SNTG1: variants seen among roughly 807,000 people sequenced by gnomAD.
SNTG1 encodes gamma-1-syntrophin.
Under a neutral mutation model 74.7 loss-of-function variants are expected in SNTG1, and 39 were observed. The ratio of observed to expected loss-of-function variants is 0.52; its 90% confidence interval spans 0.40 to 0.68. The LOEUF is 0.68. SNTG1 is among the 30% of genes least tolerant of loss of function. The pLI is 0.00. For synonymous variants in SNTG1, 254 were observed against 217.1 expected (o/e 1.17, Z -1.49); for missense variants, 685 against 609.5 (o/e 1.12, Z -1.30).
chr8:50,511,561 T>A (rs1056173849), intron 9 of SNTG1, among the ~76,000 whole-genome samples: 6 of 152,188 alleles, frequency 3.9e-5, no homozygotes, highest in Non-Finnish European at 7.4e-5. Context: ...AGTCTCTTTG[T>A]AGGTCTCTAA....
intron 4 of SNTG1, among the ~76,000 whole-genome samples, chr8:50,423,713 C>A (rs1209137103): frequency 6.6e-6 from 1 of 152,068 alleles, no homozygotes; most frequent in East Asian, 1.9e-4. Flanking sequence ...TGACTCTCAG[C>A]TTGAGAAAAT....
At chr8:50,431,600 G>T (rs1171151348) in intron 4 of SNTG1, among the ~76,000 whole-genome samples, 1 of 152,102 alleles carries the variant, frequency 6.6e-6, no homozygotes, top group Non-Finnish European at 1.5e-5. Flanking sequence ...TAAGACTAGG[G>T]TTAGCTTTGT....
chr8:50,047,187 A>T (rs1819163329), intron 1 of SNTG1, among the ~76,000 whole-genome samples: 1 of 151,976 alleles, frequency 6.6e-6, no homozygotes, highest in African/African-American at 2.4e-5. Flanking sequence ...AAAAACACAA[A>T]TGTTAGCCAG....
Position 50,079,319 on chromosome 8 carries a change from G to GC in SNTG1, c.-102-93241dup, listed in dbSNP as rs1652124980. Among the ~76,000 whole-genome samples the GC allele has an allele frequency of 2.0e-5, 3 of 151,936 alleles. No individual in the cohort carries two copies. In the South Asian group the frequency reaches 6.2e-4, roughly 31 times the overall value. On this transcript the variant is annotated intron_variant, in intron 1 of 18. Transcript: ENST00000642720. ...TTTCTCTAATGACCAGTGATAATCA[G>GC]CTTTTTTTCAAATGTTTGTTGGCCA... is the stretch of plus-strand genomic sequence containing the variant.
intron 4 of SNTG1, among the ~76,000 whole-genome samples, chr8:50,419,240 C>T (rs1464100292): frequency 6.6e-6 from 1 of 152,028 alleles, no homozygotes; most frequent in South Asian, 2.1e-4. Flanking sequence ...TAAATTCTTC[C>T]AAAATAAATG....
chr8:50,601,956 A>G (rs112930530), intron 13 of SNTG1, among the ~76,000 whole-genome samples: 205 of 152,084 alleles, frequency 1.3e-3, no homozygotes, highest in African/African-American at 4.5e-3. Flanking sequence ...TTTTGTTTCA[A>G]TTAGCATGGA....
At chr8:50,360,137 A>G (rs994879299) in intron 2 of SNTG1, among the ~76,000 whole-genome samples, 1 of 152,216 alleles carries the variant, frequency 6.6e-6, no homozygotes, top group Middle Eastern at 3.4e-3. Flanking sequence ...GATCAGATAG[A>G]TCATCATCAC....
At chr8:50,690,854 A>T (rs1441659820) in intron 15 of SNTG1, among the ~76,000 whole-genome samples, 1 of 152,040 alleles carries the variant, frequency 6.6e-6, no homozygotes, top group African/African-American at 2.4e-5. Context: ...GGGGTGTTAA[A>T]GTCTCCCGTT....
intron 4 of SNTG1, among the ~76,000 whole-genome samples, chr8:50,413,057 T>A (rs1259784510): frequency 6.6e-6 from 1 of 152,222 alleles, no homozygotes; most frequent in Non-Finnish European, 1.5e-5. Flanking sequence ...ATTAAAGCAA[T>A]GGTGCCTGGT....
intron 2 of SNTG1, among the ~76,000 whole-genome samples, chr8:50,199,236 A>G (rs1190131078): frequency 4.1e-5 from 5 of 123,060 alleles, no homozygotes; most frequent in African/African-American, 1.7e-4. Context: ...TTTTTTTTTG[A>G]GACCAAGTTT....
chr8:50,652,525 A>G (rs1289817984), intron 13 of SNTG1, among the ~76,000 whole-genome samples: 1 of 152,092 alleles, frequency 6.6e-6, no homozygotes, highest in Non-Finnish European at 1.5e-5. Flanking sequence ...AGGCCGGTGC[A>G]GTGGCTCAAA....
At chr8:50,298,052 TAAG>T (rs2089473838) in intron 2 of SNTG1, among the ~76,000 whole-genome samples, 1 of 151,410 alleles carries the variant, frequency 6.6e-6, no homozygotes, top group Non-Finnish European at 1.5e-5. Context: ...AAATCCATAT[TAAG>T]GGCCGAATCA....
chr8:50,586,767 G>GT (rs2094651155), intron 12 of SNTG1, among the ~76,000 whole-genome samples: 1 of 151,758 alleles, frequency 6.6e-6, no homozygotes, highest in South Asian at 2.1e-4. Flanking sequence ...TAAAACAGGT[G>GT]TTTTTGAAAA....
At chr8:50,557,055 A>C (rs1243396608) in intron 12 of SNTG1, among the ~76,000 whole-genome samples, 3 of 152,046 alleles carry the variant, frequency 2.0e-5, no homozygotes, top group Non-Finnish European at 4.4e-5. Context: ...TGTACAGACA[A>C]GTTATTTACT....
intron 2 of SNTG1, among the ~76,000 whole-genome samples, chr8:50,238,099 C>T (rs977082808): frequency 1.1e-4 from 16 of 152,092 alleles, no homozygotes; most frequent in African/African-American, 3.4e-4. Context: ...AATGCTATTC[C>T]TATCACACTA....
intron 17 of SNTG1, among the ~76,000 whole-genome samples, chr8:50,746,314 G>A (rs1475492758): frequency 3.9e-5 from 6 of 151,934 alleles, no homozygotes; most frequent in African/African-American, 7.2e-5. Context: ...CCAGCTGAAC[G>A]AACACACACA....
At chr8:50,627,470 C>A (rs1013100844) in intron 13 of SNTG1, among the ~76,000 whole-genome samples, 8 of 152,130 alleles carry the variant, frequency 5.3e-5, no homozygotes, top group South Asian at 2.1e-4. Context: ...AAAGTGGGCC[C>A]AGCTTTCCAG....
chr8:50,432,531 G>A (rs2093249788), intron 4 of SNTG1, among the ~76,000 whole-genome samples: 1 of 151,944 alleles, frequency 6.6e-6, no homozygotes. Context: ...CTAAAAATTA[G>A]TTTGCTAGTA....
intron 10 of SNTG1, among the ~76,000 whole-genome samples, chr8:50,535,231 A>C (rs1461283660): frequency 2.0e-5 from 3 of 152,172 alleles, no homozygotes. Flanking sequence ...TAGAGACTAC[A>C]AAACTTGCCC....
Sources: gnomAD v4.1 joint callset for allele counts (sites outside exome capture counted in the v4.1 genomes callset) on GRCh38, gnomAD v4.1.1 for gene constraint, MANE v1.5 for transcripts, NCBI Gene and HGNC (gene_info 2026-07-23, HGNC 2026-07-21) for gene names.